Variants in UTRN observed in about 807,000 individuals in gnomAD.
UTRN encodes utrophin, also known as dystrophin-related protein 1.
In UTRN, 283 loss-of-function variants were observed where a neutral mutation model predicts 463.9. The observed-to-expected ratio is 0.61, with a 90% CI of 0.55 to 0.67. The LOEUF (loss-of-function observed/expected upper bound fraction) is 0.67, where lower values mean the gene tolerates loss of function less well. Among genes scored for constraint, UTRN ranks in the 30% least tolerant of loss-of-function variants. UTRN has a pLI of 0.00. For missense variants in UTRN, 3,922 were observed against 4,084.3 expected (o/e 0.96, Z 1.08); for synonymous variants, 1,442 against 1,431.5 (o/e 1.01, Z -0.17).
intron 51 of UTRN, among the ~76,000 whole-genome samples, chr6:144,595,450 C>T (rs1314160154): frequency 6.6e-6 from 1 of 152,176 alleles, no homozygotes; most frequent in Non-Finnish European, 1.5e-5. Flanking sequence ...GAATACTAAC[C>T]ACCTTAGGTC....
chr6:144,677,348 T>C (rs186800413), intron 51 of UTRN, among the ~76,000 whole-genome samples: 222 of 152,304 alleles, frequency 1.5e-3, no homozygotes, highest in African/African-American at 4.9e-3. Flanking sequence ...CTCCCACTTA[T>C]GAGTGAGAAC....
intron 61 of UTRN, 124 bp from the exon 62 acceptor site, chr6:144,789,070 T>C (rs1027658331): frequency 2.7e-6 from 2 of 731,272 alleles, no homozygotes; most frequent in Admixed American, 5.1e-5. Context: ...AATAGAAAAG[T>C]TGCATCTTTA....
intron 34 of UTRN, 27 bp from the exon 35 acceptor site, chr6:144,510,917 G>A (rs1795111382): frequency 6.6e-7 from 1 of 1,503,880 alleles, no homozygotes; most frequent in Non-Finnish European, 8.9e-7. Flanking sequence ...GAAGCATCAA[G>A]TAGGTCTTGG....
intron 54 of UTRN, among the ~76,000 whole-genome samples, chr6:144,736,623 A>G (rs527902016): frequency 6.6e-6 from 1 of 152,216 alleles, no homozygotes; most frequent in Non-Finnish European, 1.5e-5. Context: ...CTCCATTAAC[A>G]TAAATCCTAA....
intron 43 of UTRN, among the ~76,000 whole-genome samples, chr6:144,536,324 T>A (rs139014942): frequency 1.2e-3 from 180 of 152,330 alleles, no homozygotes; most frequent in African/African-American, 4.2e-3. Context: ...AACTCTTTTT[T>A]AGAAACAAAG....
chr6:144,725,056 C>G (rs997204366), intron 53 of UTRN, among the ~76,000 whole-genome samples: 1 of 152,192 alleles, frequency 6.6e-6, no homozygotes, highest in Non-Finnish European at 1.5e-5. Flanking sequence ...CTCTGTGTCC[C>G]CACCCAAATC....
chr6:144,327,270 G>A (rs974266945), intron 2 of UTRN, among the ~76,000 whole-genome samples: 2 of 152,274 alleles, frequency 1.3e-5, no homozygotes, highest in East Asian at 1.9e-4. Flanking sequence ...TCCTTTTGGC[G>A]GGAGAGAGTG....
intron 7 of UTRN, among the ~76,000 whole-genome samples, chr6:144,427,811 G>A (rs1295990678): frequency 1.3e-5 from 2 of 152,192 alleles, no homozygotes; most frequent in African/African-American, 4.8e-5. Context: ...TTATGTGCTA[G>A]ACACAGGGTA....
chr6:144,321,405 C>T (rs1775630783), intron 2 of UTRN, among the ~76,000 whole-genome samples: 1 of 151,512 alleles, frequency 6.6e-6, no homozygotes. Flanking sequence ...GTAGCTTGCC[C>T]AACACGGGTA....
At chr6:144,485,542 G>T (rs767515827) in intron 28 of UTRN, 23 bp downstream of exon 28, 13 of 1,613,886 alleles carry the variant, frequency 8.1e-6, no homozygotes, top group Non-Finnish European at 1.0e-5. Flanking sequence ...GATCTCCACG[G>T]CATTTCTCTT....
chr6:144,450,052 T>C (rs937118803), intron 17 of UTRN, among the ~76,000 whole-genome samples: 4 of 152,202 alleles, frequency 2.6e-5, no homozygotes, highest in Admixed American at 2.6e-4. Flanking sequence ...GCTGTGGTTT[T>C]GACCAACCTT....
At chr6:144,344,684 TG>T (rs1777421274) in intron 2 of UTRN, among the ~76,000 whole-genome samples, 1 of 152,240 alleles carries the variant, frequency 6.6e-6, no homozygotes. Flanking sequence ...TGTTGAGTAT[TG>T]GTAGACCTCA....
At chr6:144,644,941 TGA>T (rs572850574) in intron 51 of UTRN, among the ~76,000 whole-genome samples, 1 of 152,170 alleles carries the variant, frequency 6.6e-6, no homozygotes, top group Non-Finnish European at 1.5e-5. Context: ...CCTTCATCAA[TGA>T]GCTAATGTGG....
intron 51 of UTRN, among the ~76,000 whole-genome samples, chr6:144,612,463 A>T (rs555293232): frequency 6.6e-6 from 1 of 152,250 alleles, no homozygotes; most frequent in African/African-American, 2.4e-5. Flanking sequence ...CGTACATCTG[A>T]TAAGGGGTTA....
chr6:144,485,269 T>C, intron 27 of UTRN, 116 bp from the exon 28 acceptor site: 1 of 1,427,648 alleles, frequency 7.0e-7, no homozygotes, highest in Non-Finnish European at 9.5e-7. Flanking sequence ...CAGTTCTGAA[T>C]TCCTAGGTAT....
At chr6:144,743,699 AGTCTTC>A (rs1790357946) in intron 54 of UTRN, among the ~76,000 whole-genome samples, 1 of 152,166 alleles carries the variant, frequency 6.6e-6, no homozygotes, top group Non-Finnish European at 1.5e-5. Flanking sequence ...AGTGTATTAT[AGTCTTC>A]TTCCTCATGG....
At chr6:144,289,671 G>A (rs1435588612) in intron 1 of UTRN, among the ~76,000 whole-genome samples, 2 of 151,618 alleles carry the variant, frequency 1.3e-5, no homozygotes, top group Non-Finnish European at 2.9e-5. Flanking sequence ...TTTTTGAGAT[G>A]GAATTTTGCC....
intron 60 of UTRN, among the ~76,000 whole-genome samples, chr6:144,777,977 G>A (rs1308044759): frequency 2.6e-5 from 4 of 151,984 alleles, no homozygotes; most frequent in Admixed American, 2.6e-4. Context: ...AATTCCTTTC[G>A]GTTTTTTTCC....
At chr6:144,663,935 G>C (rs1398118391) in intron 51 of UTRN, among the ~76,000 whole-genome samples, 1 of 152,046 alleles carries the variant, frequency 6.6e-6, no homozygotes, top group African/African-American at 2.4e-5. Flanking sequence ...TCCCTACTTA[G>C]CAAATATTTG....
Sources: allele counts gnomAD v4.1 joint callset (sites outside exome capture counted in the v4.1 genomes callset), GRCh38; gene constraint gnomAD v4.1.1; transcripts MANE v1.5; gene names NCBI Gene and HGNC (gene_info 2026-07-23, HGNC 2026-07-21).